The following ATRNL1 variants were observed in gnomAD, a reference collection of about 807,000 sequenced individuals.
ATRNL1 encodes attractin-like protein 1.
In ATRNL1, 95 loss-of-function variants were observed where a neutral mutation model predicts 182.7. That is an observed-to-expected ratio of 0.52 (90% CI 0.44 to 0.62). ATRNL1 has a LOEUF of 0.62. ATRNL1 is among the 20% of genes least tolerant of loss of function. ATRNL1 has a pLI of 0.00. For synonymous variants in ATRNL1, 576 were observed against 568.3 expected (o/e 1.01, Z -0.19); for missense variants, 1,471 against 1,679.5 (o/e 0.88, Z 2.17).
At chr10:115,414,930 T>A (rs905416645) in intron 20 of ATRNL1, among the ~76,000 whole-genome samples, 1 of 152,048 alleles carries the variant, frequency 6.6e-6, no homozygotes, top group Non-Finnish European at 1.5e-5. Context: ...GTACCATAGG[T>A]TAACAAATCT....
chr10:115,769,928 G>A (rs1463685090), intron 27 of ATRNL1, among the ~76,000 whole-genome samples: 1 of 151,948 alleles, frequency 6.6e-6, no homozygotes, highest in Non-Finnish European at 1.5e-5. Flanking sequence ...AATGTGGAAG[G>A]GTCAAACAAC....
chr10:115,715,462 G>A (rs1947219960), intron 26 of ATRNL1, among the ~76,000 whole-genome samples: 1 of 152,092 alleles, frequency 6.6e-6, no homozygotes, highest in Non-Finnish European at 1.5e-5. Flanking sequence ...ATATGAAAAA[G>A]CAATACTCAT....
At position 115,211,047 on chromosome 10, in the gene ATRNL1, C is replaced by CT. The variant is rs373488525; in HGVS notation, c.1349-4635dup. On this transcript the variant is annotated intron_variant, in intron 8 of 28. Coordinates refer to ENST00000355044, the MANE Select transcript of ATRNL1 (RefSeq NM_207303.4). ...TCTGCTCTATTTGTTGTCCTGACTTCTTTTTTTTTTTTTTTAATTATACTT... is the reference window on the plus strand; with the variant it reads ...TCTGCTCTATTTGTTGTCCTGACTTCTTTTTTTTTTTTTTTTAATTATACTT... Among the ~76,000 whole-genome samples the CT allele has an allele frequency of 3.5e-3, 471 of 134,634 alleles. 1 individual carries two copies. The highest frequency in any genetic ancestry group is 0.016 in the Middle Eastern group (4 of 258). The allele number at this position is 134,634 out of a possible 152,430, so 88.3% of individuals were successfully genotyped here. A position where few individuals can be genotyped will look rare whatever the true frequency, so the allele number is the denominator to read the frequency against.
chr10:115,802,791 G>C (rs957747382), intron 27 of ATRNL1, among the ~76,000 whole-genome samples: 12 of 152,142 alleles, frequency 7.9e-5, no homozygotes, highest in African/African-American at 2.7e-4. Flanking sequence ...AGCCTATAAG[G>C]CTAATCCATA....
rs1342045326 is a variant in ATRNL1, at chr10:115,945,452, C to T, written c.*673C>T. Reference sequence around the variant, plus strand: ...CAGTGTAGAGGACATTCCTGTCATCCATGCCAACTACCTAACTCGTTATCA... The same window carrying T: ...CAGTGTAGAGGACATTCCTGTCATCTATGCCAACTACCTAACTCGTTATCA... On this transcript the variant is annotated 3_prime_UTR_variant, in exon 29 of 29. Transcript: ENST00000355044. 2 of 152,086 alleles carry T rather than the reference C, an allele frequency of 1.3e-5. No individual in the cohort carries two copies. Among genetic ancestry groups the T allele is most frequent in the African/African-American group, 4.8e-5 (2 of 41,410 alleles). 9.4% of individuals were successfully genotyped at this position (152,086 alleles called of 1,614,324 possible). A position where few individuals can be genotyped will look rare whatever the true frequency, so the allele number is the denominator to read the frequency against.
chr10:115,526,326 G>A (rs1554986548), intron 25 of ATRNL1, among the ~76,000 whole-genome samples: 1 of 151,916 alleles, frequency 6.6e-6, no homozygotes. Flanking sequence ...CAGTCATCAG[G>A]GCCTCATTTA....
chr10:115,343,725 A>T (rs1262395554), intron 19 of ATRNL1, among the ~76,000 whole-genome samples: 1 of 152,054 alleles, frequency 6.6e-6, no homozygotes, highest in Non-Finnish European at 1.5e-5. Context: ...TCAGTTAGGT[A>T]TTTATTGTAG....
At chr10:115,319,740 C>T (rs1291857567) in intron 18 of ATRNL1, among the ~76,000 whole-genome samples, 2 of 146,994 alleles carry the variant, frequency 1.4e-5, no homozygotes, top group Admixed American at 1.4e-4. Flanking sequence ...TTTCCATTTG[C>T]TTGGTAAATT....
intron 28 of ATRNL1, among the ~76,000 whole-genome samples, chr10:115,853,188 G>T (rs1255272993): frequency 1.3e-5 from 2 of 152,000 alleles, no homozygotes; most frequent in Non-Finnish European, 2.9e-5. Context: ...GCTTCTGAGT[G>T]GTACCTTGAT....
chr10:115,493,627 A>G (rs1244687121), intron 24 of ATRNL1, among the ~76,000 whole-genome samples: 1 of 152,154 alleles, frequency 6.6e-6, no homozygotes, highest in Non-Finnish European at 1.5e-5. Flanking sequence ...TTGGGTACAT[A>G]CCCAATAATG....
At chr10:115,324,877 C>T (rs545100773) in intron 18 of ATRNL1, among the ~76,000 whole-genome samples, 11 of 152,232 alleles carry the variant, frequency 7.2e-5, no homozygotes, top group African/African-American at 2.4e-4. Flanking sequence ...AAAATTTGGT[C>T]GCTAGCTCAA....
chr10:115,839,235 T>C (rs576679268), intron 27 of ATRNL1, among the ~76,000 whole-genome samples: 2 of 152,244 alleles, frequency 1.3e-5, no homozygotes, highest in East Asian at 1.9e-4. Flanking sequence ...AAGTTTCTAA[T>C]AGAGAGAGGT....
chr10:115,411,035 C>G (rs1347027832), intron 20 of ATRNL1, among the ~76,000 whole-genome samples: 11 of 152,158 alleles, frequency 7.2e-5, no homozygotes, highest in Non-Finnish European at 1.3e-4. Flanking sequence ...CATGCTTGGC[C>G]TACCCCTTCA....
intron 27 of ATRNL1, among the ~76,000 whole-genome samples, chr10:115,780,223 C>T (rs551908188): frequency 2.0e-5 from 3 of 152,142 alleles, no homozygotes; most frequent in Non-Finnish European, 4.4e-5. Context: ...TACAGCAAAA[C>T]CAGGCTGAAC....
At chr10:115,554,809 T>G (rs369610460) in intron 26 of ATRNL1, among the ~76,000 whole-genome samples, 1 of 151,656 alleles carries the variant, frequency 6.6e-6, no homozygotes, top group Non-Finnish European at 1.5e-5. Context: ...CAAAAAAACT[T>G]TGGGCACTGT....
At chr10:115,171,556 GA>G (rs1362281655) in intron 8 of ATRNL1, among the ~76,000 whole-genome samples, 1 of 151,918 alleles carries the variant, frequency 6.6e-6, no homozygotes, top group Admixed American at 6.6e-5. Flanking sequence ...AAAAATATGT[GA>G]AATTCCAGTA....
At chr10:115,507,269 G>A (rs1209370747) in intron 24 of ATRNL1, among the ~76,000 whole-genome samples, 2 of 152,024 alleles carry the variant, frequency 1.3e-5, no homozygotes, top group Non-Finnish European at 2.9e-5. Context: ...GCTCTAGGCA[G>A]TTCCCAGCTT....
chr10:115,717,924 C>G (rs1402322067), intron 26 of ATRNL1, among the ~76,000 whole-genome samples: 2 of 152,074 alleles, frequency 1.3e-5, no homozygotes, highest in African/African-American at 4.8e-5. Flanking sequence ...CATTTTCTGG[C>G]TTCTGTGTAA....
At chr10:115,324,720 G>T (rs1190960392) in intron 18 of ATRNL1, among the ~76,000 whole-genome samples, 13 of 152,078 alleles carry the variant, frequency 8.5e-5, no homozygotes, top group African/African-American at 3.1e-4. Flanking sequence ...CTTTTTCATA[G>T]ATAGTGTCTC....
Sources: gnomAD v4.1 joint callset for allele counts (sites outside exome capture counted in the v4.1 genomes callset) on GRCh38, gnomAD v4.1.1 for gene constraint, MANE v1.5 for transcripts, NCBI Gene and HGNC (gene_info 2026-07-23, HGNC 2026-07-21) for gene names.